COLEC11: variants seen among roughly 807,000 people sequenced by gnomAD.
COLEC11 encodes the protein collectin-11.
In COLEC11, 20 loss-of-function variants were observed where a neutral mutation model predicts 27.3. The observed-to-expected ratio is 0.73, with a 90% CI of 0.51 to 1.06. COLEC11 has a LOEUF of 1.06. Ranked by LOEUF, COLEC11 falls within the 50% of genes least tolerant of loss-of-function variation. COLEC11 has a pLI of 0.00. For synonymous variants in COLEC11, 163 were observed against 154.7 expected, an observed-to-expected ratio of 1.05 and a Z score of -0.40; for missense variants, 310 against 383.0, an observed-to-expected ratio of 0.81 and a Z score of 1.59.
chr2:3,625,993 C>T lies in COLEC11; in HGVS notation c.203-11540C>T, dbSNP rs1323502963. The T allele has an allele frequency of 2.5e-6, 4 of 1,601,574 alleles. No homozygotes were observed. The South Asian group carries it at 4.4e-5, about 18-fold the overall frequency. On this transcript the variant is annotated intron_variant, in intron 3 of 6. Coordinates refer to ENST00000349077, the MANE Select transcript of COLEC11 (RefSeq NM_024027.5). ...AGTTGTCAGGCAGGGATAGTCATAACATTGTATTTACTTTTTCCAGCAGTC... is the reference window on the plus strand; with the variant it reads ...AGTTGTCAGGCAGGGATAGTCATAATATTGTATTTACTTTTTCCAGCAGTC...
At chr2:3,616,357 G>T (rs1394484041) in intron 3 of COLEC11, among the ~76,000 whole-genome samples, 1 of 151,624 alleles carries the variant, frequency 6.6e-6, no homozygotes, top group African/African-American at 2.4e-5. Context: ...CAGACGGGGT[G>T]GCGGCCGGGC....
At chr2:3,632,343 A>G (rs558614281) in intron 3 of COLEC11, among the ~76,000 whole-genome samples, 35 of 152,284 alleles carry the variant, frequency 2.3e-4, no homozygotes, top group African/African-American at 7.5e-4. Flanking sequence ...CTGTCTCTCA[A>G]TACCACACAG....
At chr2:3,603,789 C>T in intron 1 of COLEC11, 8 of 913,966 alleles carry the variant, frequency 8.8e-6, no homozygotes, top group South Asian at 1.5e-5. Context: ...TTACTGATCT[C>T]ACCGAGGAAG....
intron 3 of COLEC11, among the ~76,000 whole-genome samples, chr2:3,629,609 T>A (rs571999063): frequency 6.6e-6 from 1 of 152,344 alleles, no homozygotes; most frequent in Admixed American, 6.5e-5. Flanking sequence ...TGTATGTGCA[T>A]ATGAGCATTT....
chr2:3,644,235 A>G lies in COLEC11; in HGVS notation c.*117A>G. 1.5e-6 allele frequency: 2 copies of G among 1,306,826 alleles called. No homozygotes were observed. The highest frequency in any genetic ancestry group is 1.4e-5 in the African/African-American group (1 of 69,250). 81.0% of individuals were successfully genotyped at this position (1,306,826 alleles called of 1,614,324 possible). On this transcript the variant is annotated 3_prime_UTR_variant, in exon 7 of 7. Coordinates refer to ENST00000349077, the MANE Select transcript of COLEC11 (RefSeq NM_024027.5). ...GTCCCTCTGTGAAGGGTGGAGGCTC[A>G]CTGAGTAGAGGGCTGTTGTCTAAAC...
At chr2:3,614,246 C>T (rs1234098747) in intron 3 of COLEC11, among the ~76,000 whole-genome samples, 1 of 152,008 alleles carries the variant, frequency 6.6e-6, no homozygotes, top group African/African-American at 2.4e-5. Context: ...TAAAGATTGT[C>T]TCTAGAAATG....
intron 4 of COLEC11, among the ~76,000 whole-genome samples, chr2:3,638,406 C>T (rs946927648): frequency 9.9e-5 from 15 of 152,168 alleles, no homozygotes; most frequent in Non-Finnish European, 1.0e-4. Context: ...CTTGGGGTCC[C>T]GCACAGTGTA....
chr2:3,643,896 G>T lies in COLEC11; in HGVS notation c.594G>T (p.Leu198=). The T allele has an allele frequency of 6.2e-7, 1 of 1,614,020 alleles. No individual in the cohort carries two copies. The highest frequency in any genetic ancestry group is 1.3e-5 in the African/African-American group (1 of 75,082). Reference sequence around the variant, plus strand: ...CCGCATACCTGGCGCAAGCCGGCCTGGCCCGTGTCTTCATCGGCATCAACG... The same window carrying T: ...CCGCATACCTGGCGCAAGCCGGCCTTGCCCGTGTCTTCATCGGCATCAACG... ...LMAAYLAQAG[L]ARVFIGINDL... Residue 198 remains leucine, a synonymous_variant, in exon 7 of 7, where the codon CTG becomes CTT. Coordinates refer to ENST00000349077, the MANE Select transcript of COLEC11 (RefSeq NM_024027.5).
rs62107197 is a variant in COLEC11, at chr2:3,613,345, C to T, written c.165C>T (p.Pro55=). ...DAGEKGDKGA[P]GRPGRVGPTG... is the part of the protein sequence containing the mutation. ...GAGAGAAGGGAGACAAAGGCGCCCC[C>T]GGACGGCCTGGAAGAGTCGGCCCCA... Residue 55 remains proline, a synonymous_variant, in exon 3 of 7, where the codon CCC becomes CCT. Transcript: ENST00000349077. The T allele has an allele frequency of 6.5e-4, 1,040 of 1,609,598 alleles. 1 individual carries two copies. The highest frequency in any genetic ancestry group is 8.3e-4 in the Non-Finnish European group (980 of 1,178,224).
chr2:3,635,449 C>G (rs542721257), intron 3 of COLEC11, among the ~76,000 whole-genome samples: 1 of 152,362 alleles, frequency 6.6e-6, no homozygotes, highest in Non-Finnish European at 1.5e-5. Flanking sequence ...TCGCCGCCCT[C>G]TTCGCCAACC....
At chr2:3,641,878 C>T (rs115476887) in intron 5 of COLEC11, among the ~76,000 whole-genome samples, 1 of 152,116 alleles carries the variant, frequency 6.6e-6, no homozygotes, top group Non-Finnish European at 1.5e-5. Flanking sequence ...TAAAGCCCAC[C>T]CGCACACCGC....
chr2:3,627,613 G>C (rs1336054075), intron 3 of COLEC11, among the ~76,000 whole-genome samples: 3 of 148,392 alleles, frequency 2.0e-5, no homozygotes, highest in Non-Finnish European at 3.0e-5. Context: ...TGCTGGGCAT[G>C]AAGATGGGAC....
chr2:3,627,059 C>CG (rs969249925), intron 3 of COLEC11, among the ~76,000 whole-genome samples: 9 of 152,146 alleles, frequency 5.9e-5, no homozygotes, highest in Admixed American at 5.2e-4. Flanking sequence ...CTCGTTGCAG[C>CG]GGGGGCACAG....
intron 1 of COLEC11, among the ~76,000 whole-genome samples, chr2:3,601,701 T>C (rs1662237090): frequency 6.6e-6 from 1 of 152,206 alleles, no homozygotes; most frequent in South Asian, 2.1e-4. Flanking sequence ...TTAAGTTCTG[T>C]CATCTTCGGC....
At position 3,602,022 on chromosome 2, in the gene COLEC11, A is replaced by T. The variant is rs569209859; in HGVS notation, c.-26-2293A>T. 6.6e-6 allele frequency: 1 copy of T among 152,244 alleles called. No homozygotes were observed. The highest frequency in any genetic ancestry group is 6.5e-5 in the Admixed American group (1 of 15,278). The allele number at this position is 152,244 out of a possible 1,614,324, so 9.4% of individuals were successfully genotyped here. On this transcript the variant is annotated intron_variant, in intron 1 of 6. Coordinates refer to ENST00000349077, the MANE Select transcript of COLEC11 (RefSeq NM_024027.5). This position sits in a 1 kb window ranked among gnomAD's most constrained non-coding sequence, Gnocchi z 6.2. ...CGTGCAGCAGGACATCAGGTGGCAAAGGTGGGCTCTCGCCAGCCAGAGGCG... is the reference window on the plus strand; with the variant it reads ...CGTGCAGCAGGACATCAGGTGGCAATGGTGGGCTCTCGCCAGCCAGAGGCG...
chr2:3,613,976 C>CTTTTTT (rs1461288131), intron 3 of COLEC11, among the ~76,000 whole-genome samples: 1 of 91,324 alleles, frequency 1.1e-5, no homozygotes, highest in African/African-American at 3.5e-5. Context: ...TTCTTTCTTT[C>CTTTTTT]TTTCTTTTTT....
chr2:3,609,250 C>T (rs889729367), intron 2 of COLEC11, among the ~76,000 whole-genome samples: 7 of 151,742 alleles, frequency 4.6e-5, no homozygotes, highest in Non-Finnish European at 7.4e-5. Flanking sequence ...TTCTTTCTCT[C>T]CTGCTTTAGT....
chr2:3,628,807 C>A (rs944439361), intron 3 of COLEC11, among the ~76,000 whole-genome samples: 1 of 152,262 alleles, frequency 6.6e-6, no homozygotes, highest in Non-Finnish European at 1.5e-5. Flanking sequence ...GAACTCCACA[C>A]CTGCTTTGAG....
intron 3 of COLEC11, among the ~76,000 whole-genome samples, chr2:3,627,087 C>T (rs1286786688): frequency 6.6e-6 from 1 of 152,280 alleles, no homozygotes; most frequent in South Asian, 2.1e-4. Flanking sequence ...TCCCTGATGA[C>T]CGGTCACGAA....
Sources: allele counts gnomAD v4.1 joint callset (sites outside exome capture counted in the v4.1 genomes callset), GRCh38; gene constraint gnomAD v4.1.1; non-coding constraint Gnocchi (gnomAD v3.1); transcripts MANE v1.5; gene names NCBI Gene and HGNC (gene_info 2026-07-23, HGNC 2026-07-21).